Variants in KCNIP1 observed in about 807,000 individuals in gnomAD.
The protein encoded by KCNIP1 is potassium voltage-gated channel interacting protein 1.
A neutral mutation model predicts 33.0 loss-of-function variants in KCNIP1; 18 were observed. The ratio of observed to expected loss-of-function variants is 0.55; its 90% confidence interval spans 0.38 to 0.81. The LOEUF is 0.81. Ranked by LOEUF, KCNIP1 falls within the 30% of genes least tolerant of loss-of-function variation. The pLI is 0.00. For synonymous variants in KCNIP1, 93 were observed against 98.3 expected, an observed-to-expected ratio of 0.95 and a Z score of 0.32; for missense variants, 238 against 271.6, an observed-to-expected ratio of 0.88 and a Z score of 0.87.
chr5:170,575,073 A>G (rs1757551963), intron 1 of KCNIP1, among the ~76,000 whole-genome samples: 1 of 152,120 alleles, frequency 6.6e-6, no homozygotes, highest in Non-Finnish European at 1.5e-5. Context: ...GTGAAATAGA[A>G]TGGAAAAAAA....
At position 170,701,992 on chromosome 5, in the gene KCNIP1, G is replaced by A. The variant is rs140783086; in HGVS notation, c.62-16766G>A. 1.3e-3 allele frequency among the ~76,000 whole-genome samples: 197 copies of A among 152,234 alleles called. 2 individuals are homozygous for A. The East Asian group carries it at 0.016, about 12-fold the overall frequency. On this transcript the variant is annotated intron_variant, in intron 1 of 7. Transcript: ENST00000328939. The stretch of plus-strand genomic sequence containing the variant: ...TCGCTATCCTAAAACAGCGCCTCCC[G>A]AAATCACCACTAAAGAACTTATTCA...
chr5:170,354,928 C>T (rs1460135582), intron 1 of KCNIP1, among the ~76,000 whole-genome samples: 2 of 152,272 alleles, frequency 1.3e-5, no homozygotes, highest in East Asian at 3.9e-4. Flanking sequence ...GCACTGGAAG[C>T]AGCAGGCAGA....
intron 1 of KCNIP1, among the ~76,000 whole-genome samples, chr5:170,590,444 G>C (rs1035104909): frequency 2.0e-5 from 3 of 152,074 alleles, no homozygotes; most frequent in Non-Finnish European, 4.4e-5. Context: ...CCAAGGAGGG[G>C]ATGGCTGACT....
chr5:170,392,434 G>T (rs1379959426), intron 1 of KCNIP1, among the ~76,000 whole-genome samples: 1 of 152,230 alleles, frequency 6.6e-6, no homozygotes, highest in East Asian at 1.9e-4. Flanking sequence ...TTCAAAGGGG[G>T]ACTGTTACAG....
At chr5:170,415,704 G>GC (rs200674074) in intron 1 of KCNIP1, among the ~76,000 whole-genome samples, 2 of 152,254 alleles carry the variant, frequency 1.3e-5, no homozygotes, top group East Asian at 3.9e-4. Context: ...TTTGCTGTCT[G>GC]CCCCTCTCCC....
intron 1 of KCNIP1, among the ~76,000 whole-genome samples, chr5:170,572,701 C>G (rs1215587502): frequency 6.6e-6 from 1 of 152,198 alleles, no homozygotes; most frequent in East Asian, 1.9e-4. Flanking sequence ...GCTGCTGGAA[C>G]AAACACAAGC....
At chr5:170,710,980 A>T (rs1447342101) in intron 1 of KCNIP1, among the ~76,000 whole-genome samples, 1 of 152,202 alleles carries the variant, frequency 6.6e-6, no homozygotes, top group Non-Finnish European at 1.5e-5. Context: ...GCAACCAACA[A>T]CATCCTTCCC....
intron 1 of KCNIP1, among the ~76,000 whole-genome samples, chr5:170,411,251 C>G (rs914544407): frequency 1.3e-5 from 2 of 151,338 alleles, no homozygotes; most frequent in African/African-American, 4.9e-5. Flanking sequence ...CCTCTCCCCG[C>G]TAGGGGGCAA....
intron 1 of KCNIP1, chr5:170,376,875 G>A (rs1764025016): frequency 6.6e-6 from 1 of 151,986 alleles, no homozygotes; most frequent in Non-Finnish European, 1.5e-5. Context: ...TAAAATGAAA[G>A]TTAAGAAAAA....
chr5:170,722,417 TAGAC>T (rs930472342), intron 4 of KCNIP1, among the ~76,000 whole-genome samples: 5 of 152,034 alleles, frequency 3.3e-5, no homozygotes, highest in Admixed American at 6.5e-5. Flanking sequence ...ACTGGGATGA[TAGAC>T]AGACCACTGC....
intron 1 of KCNIP1, among the ~76,000 whole-genome samples, chr5:170,567,094 G>A (rs1286967898): frequency 6.6e-6 from 1 of 152,216 alleles, no homozygotes; most frequent in African/African-American, 2.4e-5. Context: ...AAGTGCAGGG[G>A]AAGGCCATCT....
intron 1 of KCNIP1, among the ~76,000 whole-genome samples, chr5:170,430,893 C>T (rs539764642): frequency 1.3e-5 from 2 of 152,326 alleles, no homozygotes; most frequent in South Asian, 4.1e-4. Flanking sequence ...GAGCGGCCAG[C>T]CTGCCTCCTG....
At chr5:170,734,474 G>A (rs1231229972) in intron 7 of KCNIP1, among the ~76,000 whole-genome samples, 1 of 152,124 alleles carries the variant, frequency 6.6e-6, no homozygotes, top group Non-Finnish European at 1.5e-5. Flanking sequence ...TAGGTCTGGG[G>A]TAGGGCCTGA....
chr5:170,378,919 C>T, intron 1 of KCNIP1: 1 of 1,614,186 alleles, frequency 6.2e-7, no homozygotes, highest in Non-Finnish European at 8.5e-7. Context: ...CTGACCTTCT[C>T]CACGTCGGCC....
In KCNIP1 at chr5:170,496,306, C is replaced by G. The variant is rs572800404; in HGVS notation, c.88+142342C>G. ...CTCTGAGTCCCCAGTGAACTGCTGC[C>G]TCCCTAGAGAAACAGTGCTAGAAGT... On this transcript the variant is annotated intron_variant, in intron 1 of 7. Transcript: ENST00000377360. Among the ~76,000 whole-genome samples the G allele has an allele frequency of 1.4e-4, 22 of 152,316 alleles. No homozygotes were observed. In the East Asian group the frequency reaches 4.3e-3, roughly 29 times the overall value.
At chr5:170,683,509 G>C (rs1167375483) in intron 1 of KCNIP1, among the ~76,000 whole-genome samples, 1 of 152,084 alleles carries the variant, frequency 6.6e-6, no homozygotes, top group Non-Finnish European at 1.5e-5. Flanking sequence ...TTATGCTAGA[G>C]CCCTTACCAT....
chr5:170,516,825 T>C (rs994129353), intron 1 of KCNIP1, among the ~76,000 whole-genome samples: 1 of 152,218 alleles, frequency 6.6e-6, no homozygotes, highest in Non-Finnish European at 1.5e-5. Context: ...TATCAATTCA[T>C]TGGATTGTCA....
intron 5 of KCNIP1, among the ~76,000 whole-genome samples, chr5:170,728,667 A>G (rs1370043169): frequency 6.6e-6 from 1 of 152,258 alleles, no homozygotes; most frequent in East Asian, 1.9e-4. Context: ...AAGTAGAGAA[A>G]CATACCATCT....
intron 1 of KCNIP1, among the ~76,000 whole-genome samples, chr5:170,435,880 C>A (rs113353355): frequency 6.6e-6 from 1 of 152,024 alleles, no homozygotes; most frequent in African/African-American, 2.4e-5. Context: ...TGTTTTCATG[C>A]GCAGGGAGGC....
Sources: gnomAD v4.1 joint callset for allele counts (sites outside exome capture counted in the v4.1 genomes callset) on GRCh38, gnomAD v4.1.1 for gene constraint, MANE v1.5 for transcripts, NCBI Gene and HGNC (gene_info 2026-07-23, HGNC 2026-07-21) for gene names.